CERT1: variants seen among roughly 807,000 people sequenced by gnomAD.
CERT1 encodes ceramide transfer protein.
CERT1 carries 31 observed loss-of-function variants against 87.9 expected under a neutral mutation model. That is an observed-to-expected ratio of 0.35 (90% CI 0.27 to 0.48). CERT1 has a LOEUF of 0.48. CERT1 is among the 20% of genes least tolerant of loss of function. The pLI, the probability that CERT1 is intolerant of heterozygous loss-of-function variation, is 0.99. For synonymous variants in CERT1, 289 were observed against 250.9 expected (o/e 1.15, Z -1.44); for missense variants, 487 against 758.0 (o/e 0.64, Z 4.20).
At chr5:75,494,243 T>C (rs1262345598) in intron 2 of CERT1, among the ~76,000 whole-genome samples, 3 of 152,224 alleles carry the variant, frequency 2.0e-5, no homozygotes, top group African/African-American at 7.2e-5. Context: ...CAGGATAATC[T>C]AGTTGGGCTA....
At chr5:75,372,844 C>A (rs1761132221), downstream of CERT1, 1 of 152,148 alleles carries the variant, frequency 6.6e-6, no homozygotes, top group African/African-American at 2.4e-5. Context: ...CAAAATGGGT[C>A]TGATTTCTGT....
At chr5:75,431,963 CTGTTT>C (rs1580762068) in intron 3 of CERT1, among the ~76,000 whole-genome samples, 1 of 151,918 alleles carries the variant, frequency 6.6e-6, no homozygotes, top group African/African-American at 2.4e-5. Context: ...AATGGTAGTT[CTGTTT>C]TAAGTTGTTT....
chr5:75,477,537 G>T (rs939781712), intron 2 of CERT1, among the ~76,000 whole-genome samples: 2 of 151,162 alleles, frequency 1.3e-5, no homozygotes, highest in Non-Finnish European at 2.9e-5. Context: ...AAAATTTCTG[G>T]GGTTTTGTAA....
intron 2 of CERT1, among the ~76,000 whole-genome samples, chr5:75,468,008 T>C (rs1286528558): frequency 6.6e-6 from 1 of 152,218 alleles, no homozygotes; most frequent in African/African-American, 2.4e-5. Context: ...ATGCAAAAAG[T>C]GGTTGGCCCT....
intron 6 of CERT1, among the ~76,000 whole-genome samples, chr5:75,418,756 T>C (rs1277954528): frequency 6.6e-6 from 1 of 152,164 alleles, no homozygotes; most frequent in East Asian, 1.9e-4. Context: ...ACTCCATTTA[T>C]ATTAGATTAT....
chr5:75,501,294 C>G (rs1355796797), intron 2 of CERT1, among the ~76,000 whole-genome samples: 2 of 152,158 alleles, frequency 1.3e-5, no homozygotes, highest in Admixed American at 6.5e-5. Flanking sequence ...TTTAATCCAA[C>G]AGTAACATTT....
chr5:75,416,370 A>G (rs1763135806), intron 7 of CERT1, among the ~76,000 whole-genome samples: 1 of 152,186 alleles, frequency 6.6e-6, no homozygotes, highest in Admixed American at 6.5e-5. Flanking sequence ...GAGTCATACT[A>G]TAATATTATC....
intron 2 of CERT1, among the ~76,000 whole-genome samples, chr5:75,496,421 T>A (rs1410880351): frequency 2.0e-5 from 3 of 152,192 alleles, no homozygotes; most frequent in Non-Finnish European, 4.4e-5. Context: ...CACAGTTTCT[T>A]ATAAAGTTAA....
chr5:75,505,966 A>C lies in CERT1; in HGVS notation c.231+16T>G. The C allele has an allele frequency of 1.2e-6, 2 of 1,607,676 alleles. No homozygotes were observed. The highest frequency in any genetic ancestry group is 2.2e-5 in the South Asian group (2 of 90,734). On this transcript the variant is annotated intron_variant, in intron 2 of 16. Coordinates refer to ENST00000643780, the MANE Select transcript of CERT1 (RefSeq NM_001379029.1). ...CTCAATAAATATTTGTTGAATGAAGAAGAAAAGGAACTTACTGTGATGACA... is the reference window on the plus strand; with the variant it reads ...CTCAATAAATATTTGTTGAATGAAGCAGAAAAGGAACTTACTGTGATGACA...
At chr5:75,373,415 C>T (rs1367342276), downstream of CERT1, 1 of 152,082 alleles carries the variant, frequency 6.6e-6, no homozygotes, top group East Asian at 1.9e-4. Context: ...CAATTTAGGG[C>T]TTACCAAATT....
chr5:75,392,969 CAAAAAAAAAAA>C (rs1198217217), intron 11 of CERT1, among the ~76,000 whole-genome samples: 5 of 8,698 alleles, frequency 5.7e-4, no homozygotes, highest in African/African-American at 2.2e-3. Context: ...GACTCCGTCT[CAAAAAAAAAAA>C]AAAAAAAAAA....
intron 17 of CERT1, chr5:75,369,421 T>C (rs1210650835): frequency 6.6e-6 from 1 of 152,158 alleles, no homozygotes; most frequent in Non-Finnish European, 1.5e-5. Context: ...TACACCAAAA[T>C]TGCTAGTCTT....
At chr5:75,369,894 GA>G (rs1247969401) in intron 17 of CERT1, 7 of 152,218 alleles carry the variant, frequency 4.6e-5, no homozygotes, top group African/African-American at 1.7e-4. Flanking sequence ...AACGTTCACA[GA>G]AAATGTGTCT....
At chr5:75,422,905 AG>A (rs1222295386) in intron 5 of CERT1, among the ~76,000 whole-genome samples, 2 of 152,188 alleles carry the variant, frequency 1.3e-5, no homozygotes, top group African/African-American at 4.8e-5. Context: ...AGATATAGGG[AG>A]GCTACCTATA....
At chr5:75,417,756 G>C (rs913690046) in intron 6 of CERT1, among the ~76,000 whole-genome samples, 1 of 152,216 alleles carries the variant, frequency 6.6e-6, no homozygotes, top group Non-Finnish European at 1.5e-5. Context: ...TGAAAACACT[G>C]TTAAGAGGAT....
At chr5:75,468,853 A>AT (rs1195542979) in intron 2 of CERT1, among the ~76,000 whole-genome samples, 2 of 152,208 alleles carry the variant, frequency 1.3e-5, no homozygotes, top group Non-Finnish European at 2.9e-5. Context: ...AAACATTCCA[A>AT]TAAGTACCTA....
chr5:75,460,351 T>A (rs868481546), intron 2 of CERT1, among the ~76,000 whole-genome samples: 4 of 152,122 alleles, frequency 2.6e-5, no homozygotes, highest in Non-Finnish European at 4.4e-5. Context: ...CAGGAGCACT[T>A]CCAGCTAAAG....
At chr5:75,463,189 C>T (rs919354784) in intron 2 of CERT1, among the ~76,000 whole-genome samples, 4 of 151,788 alleles carry the variant, frequency 2.6e-5, no homozygotes, top group South Asian at 2.1e-4. Flanking sequence ...AAGATTAACA[C>T]GAATATATAT....
downstream of CERT1, chr5:75,375,793 T>G (rs1761278508): frequency 6.6e-6 from 1 of 151,196 alleles, no homozygotes; most frequent in Non-Finnish European, 1.5e-5. Flanking sequence ...AATGTTCGCT[T>G]TCCTAGGGTT....
Sources: gnomAD v4.1 joint callset for allele counts (sites outside exome capture counted in the v4.1 genomes callset) on GRCh38, gnomAD v4.1.1 for gene constraint, MANE v1.5 for transcripts, NCBI Gene and HGNC (gene_info 2026-07-23, HGNC 2026-07-21) for gene names.